Variants in ALDH1A2 observed in about 807,000 individuals in gnomAD.
ALDH1A2 encodes retinal dehydrogenase 2.
Under a neutral mutation model 60.3 loss-of-function variants are expected in ALDH1A2, and 27 were observed. The ratio of observed to expected loss-of-function variants is 0.45; its 90% CI spans 0.33 to 0.62. The LOEUF is 0.62. Among genes scored for constraint, ALDH1A2 ranks in the 20% least tolerant of loss-of-function variants. ALDH1A2 has a pLI of 0.02. For synonymous variants in ALDH1A2, 289 were observed against 232.4 expected, an observed-to-expected ratio of 1.24 and a Z score of -2.21; for missense variants, 581 against 643.8, an observed-to-expected ratio of 0.90 and a Z score of 1.06.
intron 1 of ALDH1A2, among the ~76,000 whole-genome samples, chr15:58,032,900 T>C (rs899774338): frequency 6.6e-6 from 1 of 151,976 alleles, no homozygotes. Flanking sequence ...CTGGAAGTCA[T>C]TACAAGTAAA....
chr15:58,042,315 A>G (rs886408634), intron 1 of ALDH1A2, among the ~76,000 whole-genome samples: 1 of 151,918 alleles, frequency 6.6e-6, no homozygotes, highest in African/African-American at 2.4e-5. Flanking sequence ...CCTACCTATC[A>G]TACTGTCCTG....
chr15:57,965,276 T>C (rs561052114), intron 8 of ALDH1A2, among the ~76,000 whole-genome samples: 3 of 152,306 alleles, frequency 2.0e-5, no homozygotes, highest in Non-Finnish European at 4.4e-5. Flanking sequence ...GGGGCTGGAA[T>C]TGACTAAACA....
At chr15:57,987,974 C>A (rs543044134) in intron 7 of ALDH1A2, among the ~76,000 whole-genome samples, 2 of 150,598 alleles carry the variant, frequency 1.3e-5, no homozygotes, top group South Asian at 2.1e-4. Flanking sequence ...ACCTACGCTA[C>A]AAGAAACGTT....
intron 7 of ALDH1A2, among the ~76,000 whole-genome samples, chr15:57,978,587 T>C (rs1411898140): frequency 6.6e-6 from 1 of 152,178 alleles, no homozygotes; most frequent in East Asian, 1.9e-4. Flanking sequence ...AGAGGTTTTA[T>C]TGTGTTTGGT....
At chr15:57,974,432 CAAAAAAA>C (rs61170362) in intron 7 of ALDH1A2, among the ~76,000 whole-genome samples, 45,417 of 96,606 alleles carry the variant, frequency 0.47, 8,006 homozygotes, top group Non-Finnish European at 0.54. Context: ...GACTCCATCT[CAAAAAAA>C]AAAAAAAAAA....
At chr15:58,055,968 A>T (rs1401048014) in intron 1 of ALDH1A2, among the ~76,000 whole-genome samples, 1 of 152,208 alleles carries the variant, frequency 6.6e-6, no homozygotes, top group South Asian at 2.1e-4. Context: ...TATCAGCAGC[A>T]CAGAGTGAAT....
chr15:57,992,110 C>T (rs1233454049), intron 7 of ALDH1A2, among the ~76,000 whole-genome samples: 1 of 152,154 alleles, frequency 6.6e-6, no homozygotes, highest in African/African-American at 2.4e-5. Flanking sequence ...ATTCCAATTT[C>T]CATGTCTATA....
At chr15:58,057,297 A>C (rs1272158209) in intron 1 of ALDH1A2, among the ~76,000 whole-genome samples, 2 of 150,152 alleles carry the variant, frequency 1.3e-5, no homozygotes, top group South Asian at 2.1e-4. Context: ...TTAACAAGCT[A>C]ATCAAATTAC....
chr15:58,027,324 C>G (rs1285656992), intron 1 of ALDH1A2, among the ~76,000 whole-genome samples: 3 of 152,152 alleles, frequency 2.0e-5, no homozygotes, highest in African/African-American at 7.2e-5. Flanking sequence ...GGAAAACTAA[C>G]AAACAGAAAG....
intron 7 of ALDH1A2, among the ~76,000 whole-genome samples, chr15:57,977,059 C>A (rs117222883): frequency 0.019 from 2,872 of 149,782 alleles, 38 homozygotes; most frequent in Middle Eastern, 0.049. Context: ...TCTTCTTTTG[C>A]GAAGTGTGTG....
chr15:57,970,871 T>G (rs951918292), intron 7 of ALDH1A2, among the ~76,000 whole-genome samples: 19 of 152,222 alleles, frequency 1.2e-4, no homozygotes, highest in African/African-American at 4.6e-4. Context: ...TTCATTGTTA[T>G]GCTTCCTGGT....
At chr15:57,981,337 C>T (rs1236199514) in intron 7 of ALDH1A2, among the ~76,000 whole-genome samples, 6 of 150,320 alleles carry the variant, frequency 4.0e-5, no homozygotes, top group African/African-American at 9.9e-5. Context: ...CAGACACACA[C>T]AAACACTGAC....
intron 7 of ALDH1A2, among the ~76,000 whole-genome samples, chr15:57,983,603 A>G (rs1251840805): frequency 3.3e-5 from 5 of 152,252 alleles, no homozygotes; most frequent in Non-Finnish European, 5.9e-5. Flanking sequence ...TCTCCTAGAT[A>G]CAGATACATT....
chr15:57,990,299 ATACGTG>A (rs1894849843), intron 7 of ALDH1A2: 1 of 152,242 alleles, frequency 6.6e-6, no homozygotes, highest in South Asian at 2.1e-4. Context: ...ATGTACACAT[ATACGTG>A]TGTGTATACG....
chr15:57,995,234 A>G, intron 4 of ALDH1A2, 95 bp from the exon 5 acceptor site: 1 of 721,640 alleles, frequency 1.4e-6, no homozygotes, highest in Non-Finnish European at 2.3e-6. Context: ...AAAAAAAAAA[A>G]AACAAACAGA....
chr15:58,040,402 A>G (rs115019714), intron 1 of ALDH1A2, among the ~76,000 whole-genome samples: 2,403 of 152,046 alleles, frequency 0.016, 62 homozygotes, highest in African/African-American at 0.049. Flanking sequence ...CCTCTAACCC[A>G]AAGTACATGG....
chr15:57,976,835 G>A (rs565422631), intron 7 of ALDH1A2, among the ~76,000 whole-genome samples: 33 of 152,242 alleles, frequency 2.2e-4, no homozygotes, highest in African/African-American at 6.5e-4. Flanking sequence ...TTGAGGAATT[G>A]CCACCATCTT....
Position 57,953,617 on chromosome 15 carries a change from T to A in ALDH1A2, c.*1580A>T, listed in dbSNP as rs1454330732. ...GAAGCACTCAGAAATACGGCATCTG[T>A]CAGGGCTCACGGCACTGGGCTGCTG... is the stretch of plus-strand genomic sequence containing the variant. On this transcript the variant is annotated 3_prime_UTR_variant, in exon 13 of 13. Transcript: ENST00000249750. 1 of 152,736 alleles carries A rather than the reference T, an allele frequency of 6.5e-6. No homozygotes were observed. The highest frequency in any genetic ancestry group is 2.4e-5 in the African/African-American group (1 of 41,458). 9.5% of individuals were successfully genotyped at this position (152,736 alleles called of 1,614,324 possible).
chr15:57,979,965 C>T, intron 7 of ALDH1A2: 2 of 354,802 alleles, frequency 5.6e-6, no homozygotes, highest in Admixed American at 3.0e-5. Flanking sequence ...AGATGTGCTG[C>T]CGCGTCCCAG....
Sources: allele counts gnomAD v4.1 joint callset (sites outside exome capture counted in the v4.1 genomes callset), GRCh38; gene constraint gnomAD v4.1.1; transcripts MANE v1.5; gene names NCBI Gene and HGNC (gene_info 2026-07-23, HGNC 2026-07-21).